Variants in DIS3L2 observed in about 807,000 individuals in gnomAD.
DIS3L2 encodes the protein DIS3 like 3'-5' exoribonuclease 2.
In DIS3L2, 34 loss-of-function variants were observed where a neutral mutation model predicts 97.5. The observed-to-expected ratio is 0.35, with a 90% CI of 0.27 to 0.46. DIS3L2 has a LOEUF of 0.46. Among genes scored for constraint, DIS3L2 ranks in the 20% least tolerant of loss-of-function variants. The probability of loss-of-function intolerance (pLI) is 1.00; values close to 1 mark genes in which losing one functional copy is unlikely to be tolerated. For synonymous variants in DIS3L2, 435 were observed against 445.2 expected, an observed-to-expected ratio of 0.98 and a Z score of 0.29; for missense variants, 1,038 against 1,146.0, an observed-to-expected ratio of 0.91 and a Z score of 1.36.
At chr2:232,326,182 G>A (rs1695567668) in intron 14 of DIS3L2, among the ~76,000 whole-genome samples, 2 of 152,172 alleles carry the variant, frequency 1.3e-5, no homozygotes, top group Admixed American at 1.3e-4. Flanking sequence ...AGGACCTTGG[G>A]GAGAAAGAGG....
At chr2:232,134,764 G>A (rs766208997) in intron 7 of DIS3L2, among the ~76,000 whole-genome samples, 2 of 152,032 alleles carry the variant, frequency 1.3e-5, no homozygotes, top group East Asian at 1.9e-4. Context: ...CCTGGGAGGC[G>A]GAGGTTGCAG....
chr2:232,181,802 A>G (rs1263120725), intron 9 of DIS3L2, among the ~76,000 whole-genome samples: 2 of 148,680 alleles, frequency 1.3e-5, no homozygotes, highest in African/African-American at 4.9e-5. Context: ...ACACCCAGCT[A>G]ATTTTTGTTT....
intron 5 of DIS3L2, among the ~76,000 whole-genome samples, chr2:232,064,965 G>T (rs1461373108): frequency 6.6e-6 from 1 of 152,082 alleles, no homozygotes; most frequent in African/African-American, 2.4e-5. Context: ...GGTACCTTTT[G>T]CAGAGCAGAA....
At chr2:231,998,723 ATT>A (rs1450864362) in intron 1 of DIS3L2, among the ~76,000 whole-genome samples, 1 of 152,222 alleles carries the variant, frequency 6.6e-6, no homozygotes, top group Admixed American at 6.5e-5. Flanking sequence ...ATACACATTA[ATT>A]AGTATGATGA....
intron 5 of DIS3L2, among the ~76,000 whole-genome samples, chr2:232,067,084 T>A (rs1695873143): frequency 6.6e-6 from 1 of 152,084 alleles, no homozygotes; most frequent in African/African-American, 2.4e-5. Flanking sequence ...GTAATAACTT[T>A]TGGTTGCATT....
At chr2:232,158,941 C>G (rs978307253) in intron 8 of DIS3L2, among the ~76,000 whole-genome samples, 1 of 152,182 alleles carries the variant, frequency 6.6e-6, no homozygotes, top group African/African-American at 2.4e-5. Context: ...GTCTTGTACT[C>G]ACAGTGTTGA....
intron 10 of DIS3L2, among the ~76,000 whole-genome samples, chr2:232,216,387 C>T (rs1692332500): frequency 6.6e-6 from 1 of 152,244 alleles, no homozygotes; most frequent in Admixed American, 6.5e-5. Flanking sequence ...TCATCTTTCA[C>T]TGCCCAGCCC....
chr2:232,287,386 GCGC>G (rs1559193719), intron 13 of DIS3L2, among the ~76,000 whole-genome samples: 16 of 5,622 alleles, frequency 2.8e-3, no homozygotes, highest in African/African-American at 4.6e-3. Context: ...CCTTCCCCCC[GCGC>G]CCCCCCCCCC....
Position 232,014,977 on chromosome 2 carries a change from G to T in DIS3L2, c.50G>T (p.Arg17Ile). 1.2e-6 allele frequency: 2 copies of T among 1,613,980 alleles called. No homozygotes were observed. Among genetic ancestry groups the T allele is most frequent in the Non-Finnish European group, 1.7e-6 (2 of 1,179,952 alleles). ...RMNLRPLGTP[R>I]GVSAVAGPHD... is the part of the protein sequence containing the mutation. ...AACCTCCGGCCCCTGGGGACCCCCAGAGGTAGTAAAAGGAAAATGGAGTCT... is the reference window on the plus strand; with the variant it reads ...AACCTCCGGCCCCTGGGGACCCCCATAGGTAGTAAAAGGAAAATGGAGTCT... The change falls in exon 2 of 21, where the codon AGA becomes ATA. Residue 17 changes from arginine to isoleucine, a missense_variant and splice_region_variant. Coordinates refer to ENST00000325385, the MANE Select transcript of DIS3L2 (RefSeq NM_152383.5).
In DIS3L2 at chr2:232,263,408, C is replaced by A; in HGVS notation, c.1627C>A (p.Arg543Ser). 1 of 1,614,178 alleles carries A rather than the reference C, an allele frequency of 6.2e-7. No homozygotes were observed. Among genetic ancestry groups the A allele is most frequent in the Non-Finnish European group, 8.5e-7 (1 of 1,180,032 alleles). Residue 543 changes from arginine to serine, a missense_variant, in exon 13 of 21, where the codon CGC (arginine) becomes AGC (serine). Arg to Ser is a moderately radical substitution (Grantham distance 110). Transcript: ENST00000325385. ...AATTGCCAAGCAGTTACGCCAGCAG[C>A]GCTTTGTGGACGGCGCACTTCGTTT... is the stretch of plus-strand genomic sequence containing the variant. ...HGIAKQLRQQ[R>S]FVDGALRLDQ...
chr2:232,187,409 T>C (rs1036848885), intron 9 of DIS3L2, among the ~76,000 whole-genome samples: 10 of 152,244 alleles, frequency 6.6e-5, no homozygotes, highest in East Asian at 1.9e-4. Flanking sequence ...TCCTGGAGAA[T>C]TGAAAACATA....
At chr2:232,025,740 C>T (rs1333649724) in intron 4 of DIS3L2, among the ~76,000 whole-genome samples, 2 of 152,180 alleles carry the variant, frequency 1.3e-5, no homozygotes, top group Non-Finnish European at 2.9e-5. Context: ...ATCCAGGAAT[C>T]ATAAAAACTA....
At chr2:232,279,504 GTGTT>G (rs112447261) in intron 13 of DIS3L2, among the ~76,000 whole-genome samples, 63,615 of 149,448 alleles carry the variant, frequency 0.43, 13,961 homozygotes, top group Middle Eastern at 0.62. Flanking sequence ...ATTGGTGTGT[GTGTT>G]TGTTTGTTTG....
intron 6 of DIS3L2, among the ~76,000 whole-genome samples, chr2:232,105,633 T>C (rs1298282595): frequency 1.3e-5 from 2 of 152,202 alleles, no homozygotes; most frequent in Non-Finnish European, 2.9e-5. Flanking sequence ...ACTTATTTTA[T>C]AGAATATACT....
intron 6 of DIS3L2, among the ~76,000 whole-genome samples, chr2:232,120,738 C>G (rs1439443962): frequency 6.6e-6 from 1 of 152,122 alleles, no homozygotes; most frequent in Non-Finnish European, 1.5e-5. Flanking sequence ...AAAGCTGACC[C>G]CTTTGTGATC....
At chr2:232,199,960 T>C (rs1335597431) in intron 9 of DIS3L2, among the ~76,000 whole-genome samples, 1 of 152,166 alleles carries the variant, frequency 6.6e-6, no homozygotes, top group Non-Finnish European at 1.5e-5. Context: ...CATCAGCACC[T>C]ACAGAAAAAA....
At chr2:232,188,029 A>G (rs757529307) in intron 9 of DIS3L2, among the ~76,000 whole-genome samples, 1 of 152,040 alleles carries the variant, frequency 6.6e-6, no homozygotes, top group Admixed American at 6.6e-5. Context: ...AATCCCAGCT[A>G]CTGTGGAAGC....
intron 9 of DIS3L2, among the ~76,000 whole-genome samples, chr2:232,166,828 G>A (rs954746097): frequency 2.0e-5 from 3 of 149,466 alleles, no homozygotes; most frequent in African/African-American, 4.9e-5. Context: ...GGAGACCAGC[G>A]TGGCCAACAT....
intron 14 of DIS3L2, among the ~76,000 whole-genome samples, chr2:232,306,307 G>A (rs960761140): frequency 6.6e-6 from 1 of 152,094 alleles, no homozygotes; most frequent in African/African-American, 2.4e-5. Context: ...CTTTATGTGG[G>A]GATCTCAGTT....
Sources: allele counts gnomAD v4.1 joint callset (sites outside exome capture counted in the v4.1 genomes callset), GRCh38; gene constraint gnomAD v4.1.1; transcripts MANE v1.5; gene names NCBI Gene and HGNC (gene_info 2026-07-23, HGNC 2026-07-21).